Variants in CCSER1 observed in about 807,000 individuals in gnomAD.
CCSER1 encodes the protein serine-rich coiled-coil domain-containing protein 1.
Under a neutral mutation model 82.0 loss-of-function variants are expected in CCSER1, and 41 were observed. The ratio of observed to expected loss-of-function variants is 0.50; its 90% CI spans 0.39 to 0.65. CCSER1 has a LOEUF of 0.65. Ranked by LOEUF, CCSER1 falls within the 30% of genes least tolerant of loss-of-function variation. The probability of loss-of-function intolerance (pLI) is 0.00; values close to 1 mark genes in which losing one functional copy is unlikely to be tolerated. For missense variants in CCSER1, 1,119 were observed against 1,064.2 expected, an observed-to-expected ratio of 1.05 and a Z score of -0.72; for synonymous variants, 414 against 383.9, an observed-to-expected ratio of 1.08 and a Z score of -0.92.
intron 10 of CCSER1, among the ~76,000 whole-genome samples, chr4:91,160,002 CTCA>C (rs1731215836): frequency 6.6e-6 from 1 of 151,854 alleles, no homozygotes; most frequent in Non-Finnish European, 1.5e-5. Flanking sequence ...CACCCATTAA[CTCA>C]TCATTTACAT....
intron 10 of CCSER1, among the ~76,000 whole-genome samples, chr4:91,131,178 C>G (rs943790785): frequency 2.0e-5 from 3 of 151,656 alleles, no homozygotes; most frequent in Non-Finnish European, 4.4e-5. Flanking sequence ...AATATGCTAC[C>G]CATATTTACA....
intron 1 of CCSER1, among the ~76,000 whole-genome samples, chr4:90,276,251 T>TTTCTTTCTTCCTTTCCTTCCTTCCTTCC (rs1727659770): frequency 1.3e-5 from 1 of 76,828 alleles, no homozygotes; most frequent in African/African-American, 5.1e-5. Flanking sequence ...TCTTTCTTTC[T>TTTCTTTCTTCCTTTCCTTCCTTCCTTCC]TTCCTTCCTT....
intron 10 of CCSER1, among the ~76,000 whole-genome samples, chr4:91,473,183 A>G (rs2149445934): frequency 6.6e-6 from 1 of 152,300 alleles, no homozygotes. Context: ...AATGTAAGGA[A>G]AGTTACTGTT....
chr4:91,596,400 G>A (rs760729561), intron 10 of CCSER1, among the ~76,000 whole-genome samples: 1 of 152,042 alleles, frequency 6.6e-6, no homozygotes, highest in Non-Finnish European at 1.5e-5. Context: ...ACTTATTAAT[G>A]TTGCATTCAT....
At chr4:90,231,112 A>C (rs1021045995) in intron 1 of CCSER1, among the ~76,000 whole-genome samples, 2 of 152,114 alleles carry the variant, frequency 1.3e-5, no homozygotes, top group Non-Finnish European at 2.9e-5. Flanking sequence ...ATCCTCCCTA[A>C]CTCATTTTAT....
chr4:91,353,311 G>A (rs199828103), intron 10 of CCSER1, among the ~76,000 whole-genome samples: 1 of 147,636 alleles, frequency 6.8e-6, no homozygotes, highest in South Asian at 2.2e-4. Flanking sequence ...GGGCAAGCAA[G>A]GGGTCCGTGA....
chr4:91,545,069 A>G (rs1281563336), intron 10 of CCSER1, among the ~76,000 whole-genome samples: 7 of 151,942 alleles, frequency 4.6e-5, no homozygotes, highest in Admixed American at 4.6e-4. Flanking sequence ...TTACAGTTGG[A>G]TTTCAGACTG....
At position 90,477,686 on chromosome 4, in the gene CCSER1, G is replaced by GT. The variant is rs898887386; in HGVS notation, c.1724+9342dup. 3.6e-3 allele frequency among the ~76,000 whole-genome samples: 535 copies of GT among 146,864 alleles called. 1 individual carries two copies. The highest frequency in any genetic ancestry group is 0.012 in the African/African-American group (474 of 40,116). On this transcript the variant is annotated intron_variant, in intron 5 of 10. Transcript: ENST00000509176. The stretch of plus-strand genomic sequence containing the variant: ...GCCCTTTTACAACAAATGTTTCCTG[G>GT]TTTTTTTTTTATCTTCTATTTTACT...
At chr4:91,408,255 T>A (rs558067522) in intron 10 of CCSER1, among the ~76,000 whole-genome samples, 29 of 152,234 alleles carry the variant, frequency 1.9e-4, no homozygotes, top group Non-Finnish European at 3.1e-4. Context: ...TTACCTTTTA[T>A]GGATACAGAG....
rs146859521 is a variant in CCSER1, at chr4:90,269,856, G to A, written c.-41-38388G>A. Among the ~76,000 whole-genome samples, 76 of 151,950 alleles carry A rather than the reference G, an allele frequency of 5.0e-4. 1 individual carries two copies. The East Asian group carries it at 0.01, about 21-fold the overall frequency. ...AAAAGGGGACATTACAATTGATACC[G>A]CAAAAATTCAAAGGATCATTAGAGG... On this transcript the variant is annotated intron_variant, in intron 1 of 10. Coordinates refer to ENST00000509176, the MANE Select transcript of CCSER1 (RefSeq NM_001145065.2).
At chr4:91,091,577 C>T (rs1723960622) in intron 10 of CCSER1, among the ~76,000 whole-genome samples, 2 of 152,188 alleles carry the variant, frequency 1.3e-5, no homozygotes, top group South Asian at 2.1e-4. Context: ...CCTCATGCTT[C>T]AGCCATGCGT....
intron 10 of CCSER1, among the ~76,000 whole-genome samples, chr4:91,292,134 AG>A (rs1392949489): frequency 2.6e-5 from 4 of 152,092 alleles, no homozygotes; most frequent in Non-Finnish European, 5.9e-5. Context: ...GAGCAAGTCC[AG>A]GAGCATGTGG....
At chr4:90,575,306 G>T (rs1780614543) in intron 5 of CCSER1, among the ~76,000 whole-genome samples, 1 of 152,188 alleles carries the variant, frequency 6.6e-6, no homozygotes, top group Non-Finnish European at 1.5e-5. Context: ...TCATTCCATA[G>T]TGGAAGGTGG....
chr4:90,820,045 C>A (rs1382228666), intron 8 of CCSER1, among the ~76,000 whole-genome samples: 1 of 152,178 alleles, frequency 6.6e-6, no homozygotes, highest in Admixed American at 6.5e-5. Context: ...AGAACAAAAT[C>A]TCCTCTGCAT....
intron 10 of CCSER1, among the ~76,000 whole-genome samples, chr4:91,372,885 C>T (rs1338679645): frequency 6.6e-6 from 1 of 151,996 alleles, no homozygotes; most frequent in Non-Finnish European, 1.5e-5. Flanking sequence ...AGTATGCAGT[C>T]ATGGAGTGCT....
At chr4:90,688,905 T>A (rs1377133141) in intron 6 of CCSER1, among the ~76,000 whole-genome samples, 1 of 152,142 alleles carries the variant, frequency 6.6e-6, no homozygotes, top group Non-Finnish European at 1.5e-5. Context: ...GAAAATATTT[T>A]CATACTGTCA....
At chr4:91,176,408 C>T (rs148162728) in intron 10 of CCSER1, among the ~76,000 whole-genome samples, 29,459 of 152,076 alleles carry the variant, frequency 0.19, 3,147 homozygotes, top group Non-Finnish European at 0.23. Flanking sequence ...TATAAATTAC[C>T]TTGGGCAGTG....
intron 6 of CCSER1, among the ~76,000 whole-genome samples, chr4:90,690,412 G>A (rs544714927): frequency 4.6e-4 from 70 of 152,056 alleles, no homozygotes; most frequent in African/African-American, 1.4e-3. Flanking sequence ...TTCACTCACC[G>A]CTTAGAGAAA....
chr4:90,276,251 T>TTTCTTTCTTCCTTTCCTTCCTTCC (rs1727659770), intron 1 of CCSER1, among the ~76,000 whole-genome samples: 3 of 76,828 alleles, frequency 3.9e-5, no homozygotes, highest in African/African-American at 1.5e-4. Context: ...TCTTTCTTTC[T>TTTCTTTCTTCCTTTCCTTCCTTCC]TTCCTTCCTT....
Sources: gnomAD v4.1 joint callset for allele counts (sites outside exome capture counted in the v4.1 genomes callset) on GRCh38, gnomAD v4.1.1 for gene constraint, MANE v1.5 for transcripts, NCBI Gene and HGNC (gene_info 2026-07-23, HGNC 2026-07-21) for gene names.